The following ABLIM2 variants were observed in gnomAD, a reference collection of about 807,000 sequenced individuals.
ABLIM2 encodes actin-binding LIM protein 2.
Under a neutral mutation model 97.7 loss-of-function variants are expected in ABLIM2, and 53 were observed. The ratio of observed to expected loss-of-function variants is 0.54; its 90% confidence interval spans 0.44 to 0.68. The LOEUF (loss-of-function observed/expected upper bound fraction) is 0.68. ABLIM2 is among the 30% of genes least tolerant of loss of function. ABLIM2 has a pLI of 0.00. For synonymous variants in ABLIM2, 361 were observed against 345.8 expected, an observed-to-expected ratio of 1.04 and a Z score of -0.49; for missense variants, 835 against 867.2, an observed-to-expected ratio of 0.96 and a Z score of 0.47.
At position 8,105,699 on chromosome 4, in the gene ABLIM2, C is replaced by T. The variant is rs568919241; in HGVS notation, c.154+795G>A. ...CAGGCAGGCACGGGGCCGCACACCG[C>T]AGCAGGGATTTGCAGTGTCCTTAAT... is the stretch of plus-strand genomic sequence containing the variant. On this transcript the variant is annotated intron_variant, in intron 2 of 20. Transcript: ENST00000447017. Among the ~76,000 whole-genome samples the T allele has an allele frequency of 7.2e-5, 11 of 152,380 alleles. No homozygotes were observed. In the South Asian group the frequency reaches 2.3e-3, roughly 32 times the overall value.
chr4:8,036,875 T>C (rs1411073883), intron 9 of ABLIM2, among the ~76,000 whole-genome samples: 1 of 151,196 alleles, frequency 6.6e-6, no homozygotes, highest in Non-Finnish European at 1.5e-5. Flanking sequence ...CAAACACACA[T>C]ATAGGCAAAC....
intron 10 of ABLIM2, among the ~76,000 whole-genome samples, chr4:8,031,436 G>T (rs1288607026): frequency 6.6e-6 from 1 of 152,218 alleles, no homozygotes; most frequent in Non-Finnish European, 1.5e-5. Context: ...CCAGGCCTGG[G>T]ACATCAAAAG....
intron 17 of ABLIM2, among the ~76,000 whole-genome samples, chr4:7,989,120 C>G (rs1746728937): frequency 7.0e-6 from 1 of 141,880 alleles, no homozygotes; most frequent in South Asian, 2.2e-4. Flanking sequence ...CTCTGTTGCC[C>G]CAGGCTGGAG....
chr4:8,030,181 A>T (rs1780010531), intron 10 of ABLIM2, among the ~76,000 whole-genome samples: 1 of 152,148 alleles, frequency 6.6e-6, no homozygotes, highest in Non-Finnish European at 1.5e-5. Context: ...CTCACGTGTG[A>T]ACTGGGGGCT....
intron 4 of ABLIM2, among the ~76,000 whole-genome samples, chr4:8,086,464 C>T (rs1823727361): frequency 6.6e-6 from 1 of 151,676 alleles, no homozygotes; most frequent in Non-Finnish European, 1.5e-5. Flanking sequence ...TCTCCTGCCT[C>T]GGCATCCTGA....
chr4:7,973,329 C>T (rs137920131), intron 20 of ABLIM2, among the ~76,000 whole-genome samples: 2 of 151,746 alleles, frequency 1.3e-5, no homozygotes, highest in East Asian at 1.9e-4. Flanking sequence ...GGCAAAACCC[C>T]GTCTCTACTA....
rs781701445 is a variant in ABLIM2, at chr4:8,020,195, A to C, written c.1369+7T>G. 6.2e-7 allele frequency: 1 copy of C among 1,611,470 alleles called. No homozygotes were observed. Among genetic ancestry groups the C allele is most frequent in the African/African-American group, 1.3e-5 (1 of 74,906 alleles). ...AAGGAGCCCAGCCAGCGTGTCCCGGAGCCTACCTGGGACGTGGAAGTGGCG... is the reference window on the plus strand; with the variant it reads ...AAGGAGCCCAGCCAGCGTGTCCCGGCGCCTACCTGGGACGTGGAAGTGGCG... On this transcript the variant is annotated splice_region_variant and intron_variant, in intron 13 of 20. Coordinates refer to ENST00000447017, the MANE Select transcript of ABLIM2 (RefSeq NM_001130083.2).
intron 1 of ABLIM2, among the ~76,000 whole-genome samples, chr4:8,115,656 C>T (rs1233141065): frequency 6.6e-6 from 1 of 152,248 alleles, no homozygotes; most frequent in Non-Finnish European, 1.5e-5. Flanking sequence ...CTGTGGCATG[C>T]TGCATCTTCA....
chr4:8,051,164 C>G (rs1447230996), intron 8 of ABLIM2, among the ~76,000 whole-genome samples: 1 of 152,236 alleles, frequency 6.6e-6, no homozygotes, highest in Non-Finnish European at 1.5e-5. Context: ...CGCCAGCCAC[C>G]CCCCACCCCG....
intron 8 of ABLIM2, among the ~76,000 whole-genome samples, chr4:8,051,306 T>G (rs1422688113): frequency 2.7e-4 from 41 of 152,116 alleles, no homozygotes; most frequent in Admixed American, 2.7e-3. Context: ...CCCAGCACTT[T>G]GGGAGGCCGA....
intron 6 of ABLIM2, among the ~76,000 whole-genome samples, chr4:8,074,776 C>CTTTTTTTT (rs71175458): frequency 9.5e-6 from 1 of 105,046 alleles, no homozygotes; most frequent in Non-Finnish European, 1.9e-5. Flanking sequence ...CCTGGTAATT[C>CTTTTTTTT]TTTTTTTTTT....
chr4:8,063,001 C>A (rs1804392563), intron 6 of ABLIM2, among the ~76,000 whole-genome samples: 1 of 152,216 alleles, frequency 6.6e-6, no homozygotes, highest in South Asian at 2.1e-4. Flanking sequence ...GGCAAACAAA[C>A]CCTGCTGTCT....
intron 20 of ABLIM2, among the ~76,000 whole-genome samples, chr4:7,974,071 TGGCTTGCC>T (rs1355156566): frequency 6.6e-6 from 1 of 152,226 alleles, no homozygotes; most frequent in African/African-American, 2.4e-5. Context: ...CCCGGCTTGC[TGGCTTGCC>T]CTTCACATTG....
Position 8,140,196 on chromosome 4 carries a change from G to A in ABLIM2, c.10+18484C>T, listed in dbSNP as rs1850758308. Among the ~76,000 whole-genome samples, 2 of 152,252 alleles carry A rather than the reference G, an allele frequency of 1.3e-5. No individual in the cohort carries two copies. The highest frequency in any genetic ancestry group is 4.2e-4 in the South Asian group (2 of 4,818). On this transcript the variant is annotated intron_variant, in intron 1 of 20. Coordinates refer to ENST00000447017, the MANE Select transcript of ABLIM2 (RefSeq NM_001130083.2). The surrounding 1 kb of genome is among the most constrained non-coding windows in gnomAD (Gnocchi z 5.9). Reference sequence around the variant, plus strand: ...GTTAACAGGTGCGGCAAACCACCATGGCACACGTTTACCTGTGTAACAAAC... The same window carrying A: ...GTTAACAGGTGCGGCAAACCACCATAGCACACGTTTACCTGTGTAACAAAC...
intron 19 of ABLIM2, 33 bp from the exon 20 acceptor site, chr4:7,983,377 C>G (rs375999116): frequency 2.5e-6 from 4 of 1,602,314 alleles, no homozygotes; most frequent in Middle Eastern, 1.7e-4. Flanking sequence ...GGTCACCTCA[C>G]GAAGCAAGTG....
chr4:8,060,582 A>G (rs1174307405), intron 7 of ABLIM2, among the ~76,000 whole-genome samples: 1 of 152,170 alleles, frequency 6.6e-6, no homozygotes, highest in Non-Finnish European at 1.5e-5. Context: ...GGAAACACCT[A>G]AAACTCCTAA....
intron 14 of ABLIM2, among the ~76,000 whole-genome samples, chr4:8,016,326 G>A (rs184551946): frequency 5.3e-5 from 8 of 152,288 alleles, no homozygotes; most frequent in Admixed American, 4.6e-4. Context: ...TTACAGGCAT[G>A]AGCCACTGTG....
intron 7 of ABLIM2, among the ~76,000 whole-genome samples, chr4:8,055,738 A>C (rs1798668968): frequency 6.6e-6 from 1 of 152,214 alleles, no homozygotes; most frequent in South Asian, 2.1e-4. Flanking sequence ...CGAAGCTCTG[A>C]GAGATGGTGA....
chr4:8,048,615 C>T (rs1435275308), intron 8 of ABLIM2, among the ~76,000 whole-genome samples: 1 of 152,222 alleles, frequency 6.6e-6, no homozygotes, highest in Admixed American at 6.5e-5. Flanking sequence ...GGGACCGTCT[C>T]GCTCCCATTC....
Sources: allele counts gnomAD v4.1 joint callset (sites outside exome capture counted in the v4.1 genomes callset), GRCh38; gene constraint gnomAD v4.1.1; non-coding constraint Gnocchi (gnomAD v3.1); transcripts MANE v1.5; gene names NCBI Gene and HGNC (gene_info 2026-07-23, HGNC 2026-07-21).